Variants in ST6GALNAC3 observed in about 807,000 individuals in gnomAD.
The protein encoded by ST6GALNAC3 is alpha-N-acetylgalactosaminide alpha-2,6-sialyltransferase 3.
Under a neutral mutation model 32.7 loss-of-function variants are expected in ST6GALNAC3, and 25 were observed. That is an observed-to-expected ratio of 0.76 (90% confidence interval 0.56 to 1.07). The LOEUF is 1.07. Ranked by LOEUF, ST6GALNAC3 falls within the 50% of genes least tolerant of loss-of-function variation. The probability of loss-of-function intolerance (pLI) is 0.00; values close to 1 mark genes in which losing one functional copy is unlikely to be tolerated. For synonymous variants in ST6GALNAC3, 129 were observed against 133.1 expected (o/e 0.97, Z 0.21); for missense variants, 355 against 382.4 (o/e 0.93, Z 0.60).
chr1:76,620,181 G>A (rs564849592), intron 3 of ST6GALNAC3, among the ~76,000 whole-genome samples: 3 of 152,020 alleles, frequency 2.0e-5, no homozygotes, highest in Non-Finnish European at 2.9e-5. Context: ...ATTGCAGCTT[G>A]ATATATAAGA....
intron 1 of ST6GALNAC3, among the ~76,000 whole-genome samples, chr1:76,301,248 G>A: frequency 6.6e-6 from 1 of 151,980 alleles, no homozygotes; most frequent in East Asian, 1.9e-4. Flanking sequence ...AGGAAGAGTG[G>A]ATCAGAGAGG....
chr1:76,474,854 A>G (rs1018059105), intron 3 of ST6GALNAC3, among the ~76,000 whole-genome samples: 1 of 152,142 alleles, frequency 6.6e-6, no homozygotes, highest in Non-Finnish European at 1.5e-5. Context: ...TTTTAGTTGC[A>G]CCTCTTGGAA....
chr1:76,320,743 A>G (rs775870358), intron 2 of ST6GALNAC3, among the ~76,000 whole-genome samples: 3 of 152,150 alleles, frequency 2.0e-5, no homozygotes, highest in Non-Finnish European at 4.4e-5. Context: ...TAATACATAC[A>G]TGTAATATAT....
At chr1:76,265,314 T>C (rs868735143) in intron 1 of ST6GALNAC3, among the ~76,000 whole-genome samples, 7 of 152,176 alleles carry the variant, frequency 4.6e-5, no homozygotes, top group Admixed American at 1.3e-4. Flanking sequence ...GGGGTGGTGA[T>C]AATTGGTACA....
chr1:76,410,445 ACACACACGTG>A (rs1654154867), intron 2 of ST6GALNAC3, among the ~76,000 whole-genome samples: 1 of 152,012 alleles, frequency 6.6e-6, no homozygotes, highest in Non-Finnish European at 1.5e-5. Context: ...ACACACTCAC[ACACACACGTG>A]CACACACATA....
chr1:76,272,876 T>C (rs1038954292), intron 1 of ST6GALNAC3, among the ~76,000 whole-genome samples: 3 of 152,140 alleles, frequency 2.0e-5, no homozygotes, highest in African/African-American at 7.2e-5. Flanking sequence ...CTATATAAAA[T>C]GGGAACTGAG....
At chr1:76,307,341 T>G (rs1661122135) in intron 1 of ST6GALNAC3, among the ~76,000 whole-genome samples, 1 of 152,162 alleles carries the variant, frequency 6.6e-6, no homozygotes, top group Non-Finnish European at 1.5e-5. Flanking sequence ...GCTTTGCTAC[T>G]TCAACTTTGT....
intron 3 of ST6GALNAC3, among the ~76,000 whole-genome samples, chr1:76,572,769 T>A (rs1408558472): frequency 2.0e-5 from 3 of 152,116 alleles, no homozygotes; most frequent in Non-Finnish European, 4.4e-5. Flanking sequence ...AATTAGTGAA[T>A]TAGTTGATGA....
chr1:76,090,217 A>C (rs1383857214), intron 1 of ST6GALNAC3, among the ~76,000 whole-genome samples: 9 of 152,238 alleles, frequency 5.9e-5, no homozygotes, highest in Non-Finnish European at 1.3e-4. Context: ...TCTGAATTAA[A>C]CTGATTATCT....
At chr1:76,238,109 C>A (rs927152060) in intron 1 of ST6GALNAC3, among the ~76,000 whole-genome samples, 2 of 152,232 alleles carry the variant, frequency 1.3e-5, no homozygotes, top group African/African-American at 4.8e-5. Context: ...GTCCTAGCTG[C>A]TACTTTTCTG....
chr1:76,445,470 G>A (rs1223890297), intron 3 of ST6GALNAC3, among the ~76,000 whole-genome samples: 1 of 152,116 alleles, frequency 6.6e-6, no homozygotes, highest in Non-Finnish European at 1.5e-5. Context: ...AAACTATTAT[G>A]TGTATGTGTT....
chr1:76,334,139 GTTGTAAAAATTTATTC>G (rs777487784), intron 2 of ST6GALNAC3, among the ~76,000 whole-genome samples: 161 of 103,502 alleles, frequency 1.6e-3, no homozygotes, highest in Non-Finnish European at 2.6e-3. Flanking sequence ...AATTTTACTT[GTTGTAAAAATTTATTC>G]TTTCAAACTT....
intron 2 of ST6GALNAC3, among the ~76,000 whole-genome samples, chr1:76,384,837 G>A (rs914592364): frequency 2.0e-5 from 3 of 152,002 alleles, no homozygotes; most frequent in Admixed American, 6.6e-5. Flanking sequence ...TCATGTTCAT[G>A]CAAATCAAAA....
rs1649175226 is a variant in ST6GALNAC3, at chr1:76,629,336, T to C, written c.*530T>C. ...GATGGGAAAATATCTCTTCCTAATA[T>C]ACCATCTTTCTACAGTATTTCCTAC... On this transcript the variant is annotated 3_prime_UTR_variant, in exon 5 of 5. Transcript: ENST00000328299. The C allele has an allele frequency of 3.0e-6, 3 of 985,620 alleles. No homozygotes were observed. The highest frequency in any genetic ancestry group is 3.6e-6 in the Non-Finnish European group (3 of 830,056). The allele number at this position is 985,620 out of a possible 1,614,324, so 61.1% of individuals were successfully genotyped here.
intron 3 of ST6GALNAC3, among the ~76,000 whole-genome samples, chr1:76,581,967 G>T (rs527420880): frequency 6.6e-6 from 1 of 152,100 alleles, no homozygotes; most frequent in Non-Finnish European, 1.5e-5. Flanking sequence ...TGTCTAATGT[G>T]CTTGCCTTGT....
chr1:76,100,310 C>T (rs946696756), intron 1 of ST6GALNAC3, among the ~76,000 whole-genome samples: 11 of 152,048 alleles, frequency 7.2e-5, no homozygotes, highest in African/African-American at 2.7e-4. Context: ...AATATTTTAT[C>T]ACTGTGTTAG....
At chr1:76,135,862 T>A (rs900656748) in intron 1 of ST6GALNAC3, among the ~76,000 whole-genome samples, 4 of 152,196 alleles carry the variant, frequency 2.6e-5, no homozygotes, top group Admixed American at 1.3e-4. Flanking sequence ...CCAGGAGTCA[T>A]ATGTGTCCCT....
intron 3 of ST6GALNAC3, among the ~76,000 whole-genome samples, chr1:76,541,286 A>G (rs1485375615): frequency 1.3e-5 from 2 of 152,170 alleles, no homozygotes; most frequent in East Asian, 3.9e-4. Context: ...GGGAGTATGG[A>G]ACGTGGATCC....
intron 3 of ST6GALNAC3, among the ~76,000 whole-genome samples, chr1:76,482,604 T>C (rs768871658): frequency 6.6e-6 from 1 of 152,210 alleles, no homozygotes; most frequent in Non-Finnish European, 1.5e-5. Context: ...GCACTTTTAC[T>C]GTAGCATTTT....
Sources: gnomAD v4.1 joint callset for allele counts (sites outside exome capture counted in the v4.1 genomes callset) on GRCh38, gnomAD v4.1.1 for gene constraint, MANE v1.5 for transcripts, NCBI Gene and HGNC (gene_info 2026-07-23, HGNC 2026-07-21) for gene names.